SPATS1: variants seen among roughly 807,000 people sequenced by gnomAD.
SPATS1 encodes the protein spermatogenesis associated serine rich 1, also known as spermatogenesis-associated serine-rich protein 1.
Under a neutral mutation model 33.6 loss-of-function variants are expected in SPATS1, and 23 were observed. That is an observed-to-expected ratio of 0.68 (90% CI 0.49 to 0.97). The LOEUF (loss-of-function observed/expected upper bound fraction) is 0.97, where lower values mean the gene tolerates loss of function less well. Among genes scored for constraint, SPATS1 ranks in the 50% least tolerant of loss-of-function variants. The pLI is 0.00. For missense variants in SPATS1, 327 were observed against 361.0 expected (o/e 0.91, Z 0.76); for synonymous variants, 131 against 125.6 (o/e 1.04, Z -0.29).
At position 44,377,860 on chromosome 6, in the gene SPATS1, C is replaced by T. The variant is rs538644305; in HGVS notation, c.*797C>T. The T allele has an allele frequency of 2.6e-5, 4 of 152,302 alleles. No homozygotes were observed. The highest frequency in any genetic ancestry group is 9.6e-5 in the African/African-American group (4 of 41,530). 9.4% of individuals were successfully genotyped at this position (152,302 alleles called of 1,614,324 possible). On this transcript the variant is annotated 3_prime_UTR_variant, in exon 9 of 9. Transcript: ENST00000674044. ...CTCTGGTCTCATGACCTAATCGCCT[C>T]CCAATGGCCTTACCTCCTAATACCA...
intron 5 of SPATS1, among the ~76,000 whole-genome samples, chr6:44,363,895 C>G (rs1237041448): frequency 2.6e-5 from 4 of 152,292 alleles, no homozygotes; most frequent in African/African-American, 9.6e-5. Context: ...AAAATTCTAA[C>G]TTTATATTTG....
chr6:44,346,441 A>C (rs759868639), intron 2 of SPATS1, among the ~76,000 whole-genome samples: 23 of 151,966 alleles, frequency 1.5e-4, no homozygotes, highest in Middle Eastern at 3.2e-3. Context: ...GTTGGAGTGC[A>C]GTGGTATGAT....
intron 3 of SPATS1, among the ~76,000 whole-genome samples, chr6:44,353,473 A>G (rs1021084946): frequency 6.6e-6 from 1 of 151,648 alleles, no homozygotes; most frequent in African/African-American, 2.4e-5. Flanking sequence ...TTAACCTCAA[A>G]CTCCTGGGCT....
chr6:44,376,004 G>C (rs760535671), intron 7 of SPATS1, among the ~76,000 whole-genome samples: 2 of 152,068 alleles, frequency 1.3e-5, no homozygotes, highest in Non-Finnish European at 2.9e-5. Context: ...TACTCGGGAG[G>C]CTGAGGCAGG....
chr6:44,368,353 ATTTTG>A, intron 5 of SPATS1, 21 bp from the exon 6 acceptor site: 1 of 1,609,316 alleles, frequency 6.2e-7, no homozygotes, highest in Non-Finnish European at 8.5e-7. Context: ...CCCTTGTATG[ATTTTG>A]TTTTCAAACC....
At chr6:44,372,745 C>A (rs987415716) in intron 7 of SPATS1, among the ~76,000 whole-genome samples, 2 of 152,254 alleles carry the variant, frequency 1.3e-5, no homozygotes, top group Non-Finnish European at 2.9e-5. Context: ...CAGGCGTGAG[C>A]CACCGCAACA....
chr6:44,355,853 A>G lies in SPATS1; in HGVS notation c.287+2980A>G, dbSNP rs1258010914. Among the ~76,000 whole-genome samples, 3 of 152,184 alleles carry G rather than the reference A, an allele frequency of 2.0e-5. No homozygotes were observed. The East Asian group carries it at 5.8e-4, about 29-fold the overall frequency. On this transcript the variant is annotated intron_variant, in intron 3 of 8. Coordinates refer to ENST00000674044, the MANE Select transcript of SPATS1 (RefSeq NM_001372081.1). Reference sequence around the variant, plus strand: ...AGTGGGACCATGTATTGGGAGGGAAAGAAAGCCCGGAATGTGAGGTTCACA... The same window carrying G: ...AGTGGGACCATGTATTGGGAGGGAAGGAAAGCCCGGAATGTGAGGTTCACA...
chr6:44,351,122 C>CAAAAAAAAA (rs34139961), intron 2 of SPATS1, among the ~76,000 whole-genome samples: 8 of 75,508 alleles, frequency 1.1e-4, no homozygotes, highest in East Asian at 3.5e-4. Context: ...GACTCTGTGT[C>CAAAAAAAAA]AAAAAAAAAA....
intron 7 of SPATS1, among the ~76,000 whole-genome samples, chr6:44,373,892 G>A (rs1480044241): frequency 6.6e-6 from 1 of 152,184 alleles, no homozygotes; most frequent in East Asian, 1.9e-4. Flanking sequence ...AATGGAGGCA[G>A]GGATCACAAA....
Position 44,342,677 on chromosome 6 carries a change from C to T in SPATS1, c.-92C>T, listed in dbSNP as rs2153363678. On this transcript the variant is annotated 5_prime_UTR_variant, in exon 1 of 9. Coordinates refer to ENST00000674044, the MANE Select transcript of SPATS1 (RefSeq NM_001372081.1). ...AACGCGCCTCTGTGGGAGAAGCAGG[C>T]GGCTGCGGTGTCCCTTTTGCCCTAG... 2 of 457,032 alleles carry T rather than the reference C, an allele frequency of 4.4e-6. No homozygotes were observed. Among genetic ancestry groups the T allele is most frequent in the South Asian group, 1.5e-5 (1 of 64,572 alleles). The allele number at this position is 457,032 out of a possible 1,614,324, so 28.3% of individuals were successfully genotyped here. A position where few individuals can be genotyped will look rare whatever the true frequency, so the allele number is the denominator to read the frequency against.
chr6:44,376,499 A>C lies in SPATS1; in HGVS notation c.874+26A>C, dbSNP rs1022363527. Reference sequence around the variant, plus strand: ...GTGGGTTAAAGAAACTTCAAAGAATAGTGTAAAAACTGGAGGAGTCCGCCG... The same window carrying C: ...GTGGGTTAAAGAAACTTCAAAGAATCGTGTAAAAACTGGAGGAGTCCGCCG... On this transcript the variant is annotated intron_variant, in intron 8 of 8. Transcript: ENST00000674044. The C allele has an allele frequency of 1.9e-6, 3 of 1,544,438 alleles. No homozygotes were observed. In the African/African-American group the frequency reaches 4.1e-5, roughly 21 times the overall value.
Position 44,354,037 on chromosome 6 carries a change from C to CAGA in SPATS1, c.287+1165_287+1166insGAA, listed in dbSNP as rs375660368. Among the ~76,000 whole-genome samples the CAGA allele has an allele frequency of 1.1e-4, 11 of 99,116 alleles. No homozygotes were observed. The South Asian group carries it at 4.5e-3, about 41-fold the overall frequency. The allele number at this position is 99,116 out of a possible 152,430, so 65.0% of individuals were successfully genotyped here. A position where few individuals can be genotyped will look rare whatever the true frequency, so the allele number is the denominator to read the frequency against. ...TGGGCGACAGAGCGAGACTTCGCCT[C>CAGA]AAAAAAAAAAAAAAAACAAAAAAAA... On this transcript the variant is annotated intron_variant, in intron 3 of 8. Transcript: ENST00000674044.
In SPATS1 at chr6:44,342,691, C is replaced by T. The variant is rs182075411; in HGVS notation, c.-78C>T. On this transcript the variant is annotated 5_prime_UTR_variant, in exon 1 of 9. Coordinates refer to ENST00000674044, the MANE Select transcript of SPATS1 (RefSeq NM_001372081.1). ...GGAGAAGCAGGCGGCTGCGGTGTCC[C>T]TTTTGCCCTAGGCTCTCGGTTCTCA... is the stretch of plus-strand genomic sequence containing the variant. 248 of 458,096 alleles carry T rather than the reference C, an allele frequency of 5.4e-4. No homozygotes were observed. The highest frequency in any genetic ancestry group is 9.9e-4 in the Non-Finnish European group (226 of 228,278). 28.4% of individuals were successfully genotyped at this position (458,096 alleles called of 1,614,324 possible).
intron 2 of SPATS1, among the ~76,000 whole-genome samples, chr6:44,349,955 T>C (rs554594716): frequency 7.8e-4 from 119 of 152,252 alleles, no homozygotes; most frequent in African/African-American, 2.7e-3. Flanking sequence ...GGTATATGGG[T>C]GGTTCTTCCT....
chr6:44,379,406 T>C lies in SPATS1; in HGVS notation c.*2343T>C, dbSNP rs1490001156. Among the ~76,000 whole-genome samples, 1 of 151,648 alleles carries C rather than the reference T, an allele frequency of 6.6e-6. No individual in the cohort carries two copies. The highest frequency in any genetic ancestry group is 1.5e-5 in the Non-Finnish European group (1 of 67,914). On this transcript the variant is annotated 3_prime_UTR_variant, in exon 9 of 9. Transcript: ENST00000674044. ...GAGATCGAGACCATCCTGGCTAACATGGAGAAACCCTGTCTCTATTAAAAA... is the reference window on the plus strand; with the variant it reads ...GAGATCGAGACCATCCTGGCTAACACGGAGAAACCCTGTCTCTATTAAAAA...
At chr6:44,373,678 A>T (rs1334462819) in intron 7 of SPATS1, among the ~76,000 whole-genome samples, 1 of 152,250 alleles carries the variant, frequency 6.6e-6, no homozygotes, top group East Asian at 1.9e-4. Context: ...TGATAACCAG[A>T]ACCAGATAAA....
chr6:44,371,207 G>A (rs1261371980), intron 7 of SPATS1, among the ~76,000 whole-genome samples: 1 of 151,986 alleles, frequency 6.6e-6, no homozygotes, highest in African/African-American at 2.4e-5. Flanking sequence ...GCTGAGGCAG[G>A]AGGGTTTCTT....
Position 44,361,893 on chromosome 6 carries a change from C to T in SPATS1, c.475C>T (p.His159Tyr). Residue 159 changes from histidine to tyrosine, a missense_variant, in exon 5 of 9, where the codon CAC (histidine) becomes TAC (tyrosine). His to Tyr is a moderately conservative substitution (Grantham distance 83, BLOSUM62 2). Transcript: ENST00000674044. ...PRFSSNIHTY[H>Y]VGKQCFFNGV... ...GTTTAGCAGCAACATCCACACCTAC[C>T]ACGTCGGAAAGCAGTGCTTCTTTAA... The T allele has an allele frequency of 6.2e-7, 1 of 1,614,216 alleles. No individual in the cohort carries two copies. Among genetic ancestry groups the T allele is most frequent in the Non-Finnish European group, 8.5e-7 (1 of 1,180,034 alleles).
chr6:44,366,907 G>T (rs1583091523), intron 5 of SPATS1, among the ~76,000 whole-genome samples: 1 of 152,130 alleles, frequency 6.6e-6, no homozygotes, highest in African/African-American at 2.4e-5. Context: ...GGTTAAAAAG[G>T]CTTAGTAAGG....
Sources: gnomAD v4.1 joint callset for allele counts (sites outside exome capture counted in the v4.1 genomes callset) on GRCh38, gnomAD v4.1.1 for gene constraint, MANE v1.5 for transcripts, NCBI Gene and HGNC (gene_info 2026-07-23, HGNC 2026-07-21) for gene names.